Variants in HHIP observed in about 807,000 individuals in gnomAD.
The protein encoded by HHIP is hedgehog interacting protein, also known as hedgehog-interacting protein.
Under a neutral mutation model 74.0 loss-of-function variants are expected in HHIP, and 12 were observed. That is an observed-to-expected ratio of 0.16 (90% confidence interval 0.10 to 0.26). The LOEUF (loss-of-function observed/expected upper bound fraction) is 0.26, where lower values mean the gene tolerates loss of function less well. Among genes scored for constraint, HHIP ranks in the 10% least tolerant of loss-of-function variants. HHIP has a pLI of 1.00. For synonymous variants in HHIP, 309 were observed against 311.6 expected, an observed-to-expected ratio of 0.99 and a Z score of 0.09; for missense variants, 788 against 845.0, an observed-to-expected ratio of 0.93 and a Z score of 0.84.
chr4:144,684,586 A>G (rs1729438286), intron 4 of HHIP, among the ~76,000 whole-genome samples: 1 of 151,952 alleles, frequency 6.6e-6, no homozygotes, highest in African/African-American at 2.4e-5. Context: ...GCCAAAAGAA[A>G]ATCTTTGAAG....
intron 4 of HHIP, among the ~76,000 whole-genome samples, 153 bp from the exon 5 acceptor site, chr4:144,706,378 A>G (rs1221202521): frequency 6.6e-6 from 1 of 152,204 alleles, no homozygotes; most frequent in Non-Finnish European, 1.5e-5. Context: ...ATGTTTTATA[A>G]TCCTTTTTTG....
At chr4:144,676,353 T>C (rs1729168237) in intron 4 of HHIP, among the ~76,000 whole-genome samples, 1 of 152,196 alleles carries the variant, frequency 6.6e-6, no homozygotes, top group African/African-American at 2.4e-5. Context: ...TAGAATAAAA[T>C]GTTATTATAA....
intron 4 of HHIP, among the ~76,000 whole-genome samples, chr4:144,687,176 C>G (rs1392214395): frequency 6.6e-6 from 1 of 152,114 alleles, no homozygotes; most frequent in East Asian, 1.9e-4. Flanking sequence ...AGGTGTCAGC[C>G]ATCCATGCCA....
At chr4:144,723,218 G>A (rs1730686762) in intron 11 of HHIP, among the ~76,000 whole-genome samples, 1 of 151,958 alleles carries the variant, frequency 6.6e-6, no homozygotes. Flanking sequence ...AAGTCACACA[G>A]ACCATTCCCT....
At chr4:144,654,825 T>C (rs1229507198) in intron 2 of HHIP, 1 of 152,236 alleles carries the variant, frequency 6.6e-6, no homozygotes, top group East Asian at 1.9e-4. Flanking sequence ...GAACAGCTAC[T>C]TTGTGATTCT....
chr4:144,678,865 T>C (rs1729249806), intron 4 of HHIP, among the ~76,000 whole-genome samples: 1 of 152,222 alleles, frequency 6.6e-6, no homozygotes, highest in Non-Finnish European at 1.5e-5. Context: ...TGTGTCTTTA[T>C]AGTAGCATGA....
chr4:144,662,294 A>C (rs1440446260), intron 4 of HHIP, among the ~76,000 whole-genome samples: 1 of 152,194 alleles, frequency 6.6e-6, no homozygotes, highest in Non-Finnish European at 1.5e-5. Flanking sequence ...GGATGCCATC[A>C]GCCAAGAGCC....
At chr4:144,681,787 ATT>A (rs780880130) in intron 4 of HHIP, among the ~76,000 whole-genome samples, 1 of 152,222 alleles carries the variant, frequency 6.6e-6, no homozygotes, top group Non-Finnish European at 1.5e-5. Flanking sequence ...TGGCAATCAG[ATT>A]TCATCATCAC....
intron 11 of HHIP, among the ~76,000 whole-genome samples, chr4:144,730,285 T>C (rs1730917815): frequency 6.6e-6 from 1 of 152,222 alleles, no homozygotes; most frequent in African/African-American, 2.4e-5. Flanking sequence ...CATTAAAGAA[T>C]GTTGGACAGT....
chr4:144,743,074 C>A lies in HHIP; in HGVS notation c.*5117C>A, dbSNP rs1321148838. On this transcript the variant is annotated 3_prime_UTR_variant, in exon 13 of 13. Transcript: ENST00000296575. ...TTAATACATATATATAACCATGGAA[C>A]CTGCCAAACACTAATCCTAGCCAAC... is the stretch of plus-strand genomic sequence containing the variant. 4 of 143,472 alleles carry A rather than the reference C, an allele frequency of 2.8e-5. No homozygotes were observed. The highest frequency in any genetic ancestry group is 6.0e-5 in the Non-Finnish European group (4 of 66,278). The allele number at this position is 143,472 out of a possible 1,614,324, so 8.9% of individuals were successfully genotyped here. A position where few individuals can be genotyped will look rare whatever the true frequency, so the allele number is the denominator to read the frequency against.
At chr4:144,678,329 T>C (rs773385331) in intron 4 of HHIP, among the ~76,000 whole-genome samples, 5 of 152,230 alleles carry the variant, frequency 3.3e-5, no homozygotes, top group African/African-American at 9.6e-5. Context: ...GTTCACATTT[T>C]CTTTCCAATG....
intron 2 of HHIP, among the ~76,000 whole-genome samples, chr4:144,653,143 T>C (rs890295182): frequency 6.6e-6 from 1 of 152,168 alleles, no homozygotes; most frequent in African/African-American, 2.4e-5. Context: ...TCAGCTTCAA[T>C]ATCAAGGCAG....
chr4:144,672,961 T>G (rs1729082144), intron 4 of HHIP, among the ~76,000 whole-genome samples: 1 of 152,186 alleles, frequency 6.6e-6, no homozygotes, highest in Non-Finnish European at 1.5e-5. Flanking sequence ...CCTCCCAAAG[T>G]GCTGGGACTG....
chr4:144,725,550 C>T (rs1011288601), intron 11 of HHIP, among the ~76,000 whole-genome samples: 3 of 152,094 alleles, frequency 2.0e-5, no homozygotes, highest in Non-Finnish European at 4.4e-5. Context: ...GGAAATGGAG[C>T]TAAGAATTTA....
chr4:144,721,403 T>A (rs529308131), intron 11 of HHIP, among the ~76,000 whole-genome samples: 19 of 152,238 alleles, frequency 1.2e-4, no homozygotes, highest in African/African-American at 4.6e-4. Flanking sequence ...GGTTCTAGTA[T>A]TACCACCTCA....
At chr4:144,688,164 A>G (rs779632494) in intron 4 of HHIP, among the ~76,000 whole-genome samples, 6 of 152,138 alleles carry the variant, frequency 3.9e-5, no homozygotes, top group African/African-American at 7.2e-5. Context: ...TTCTGTGAAC[A>G]TTGCATAATA....
At chr4:144,681,296 T>C (rs1729331649) in intron 4 of HHIP, among the ~76,000 whole-genome samples, 1 of 152,248 alleles carries the variant, frequency 6.6e-6, no homozygotes, top group Non-Finnish European at 1.5e-5. Context: ...AGACTATGAA[T>C]TGTTTCACAA....
intron 2 of HHIP, among the ~76,000 whole-genome samples, chr4:144,656,632 C>A (rs891884071): frequency 6.6e-6 from 1 of 152,028 alleles, no homozygotes. Context: ...GCAAACATCA[C>A]CTTAAAACTA....
Position 144,743,565 on chromosome 4 carries a change from T to C in HHIP, c.*5608T>C, listed in dbSNP as rs1456034382. On this transcript the variant is annotated 3_prime_UTR_variant, in exon 13 of 13. Coordinates refer to ENST00000296575, the MANE Select transcript of HHIP (RefSeq NM_022475.3). ...GTCAGCCATCATCTTTCATTTAGGA[T>C]TTCTTGGGGTTTTCTTTTTGCATAT... 6.6e-6 allele frequency: 1 copy of C among 152,004 alleles called. No individual in the cohort carries two copies. Among genetic ancestry groups the C allele is most frequent in the African/African-American group, 2.4e-5 (1 of 41,442 alleles). The allele number at this position is 152,004 out of a possible 1,614,324, so 9.4% of individuals were successfully genotyped here. A position where few individuals can be genotyped will look rare whatever the true frequency, so the allele number is the denominator to read the frequency against.
Sources: allele counts gnomAD v4.1 joint callset (sites outside exome capture counted in the v4.1 genomes callset), GRCh38; gene constraint gnomAD v4.1.1; transcripts MANE v1.5; gene names NCBI Gene and HGNC (gene_info 2026-07-23, HGNC 2026-07-21).